The following FRG1 variants were observed in gnomAD, a reference collection of about 807,000 sequenced individuals.
The protein encoded by FRG1 is protein FRG1.
A neutral mutation model predicts 37.0 loss-of-function variants in FRG1; 19 were observed. The observed-to-expected ratio is 0.51, with a 90% CI of 0.36 to 0.75. The LOEUF (loss-of-function observed/expected upper bound fraction) is 0.75. Among genes scored for constraint, FRG1 ranks in the 30% least tolerant of loss-of-function variants. The pLI is 0.00. For missense variants in FRG1, 243 were observed against 301.4 expected, an observed-to-expected ratio of 0.81 and a Z score of 1.44; for synonymous variants, 73 against 96.5, an observed-to-expected ratio of 0.76 and a Z score of 1.43.
chr4:189,959,828 T>G, intron 6 of FRG1: 2 of 965,850 alleles, frequency 2.1e-6, no homozygotes, highest in Non-Finnish European at 2.5e-6. Context: ...ACTCTTTTCC[T>G]TTACCATTTA....
At chr4:189,949,116 G>A (rs1189586328) in intron 2 of FRG1, among the ~76,000 whole-genome samples, 1 of 152,204 alleles carries the variant, frequency 6.6e-6, no homozygotes, top group African/African-American at 2.4e-5. Context: ...TAAATAGCAA[G>A]TAATGTTTTA....
At chr4:189,959,030 G>A (rs1199006532) in intron 6 of FRG1, among the ~76,000 whole-genome samples, 2 of 152,174 alleles carry the variant, frequency 1.3e-5, no homozygotes, top group Non-Finnish European at 2.9e-5. Flanking sequence ...GGGGGCAAGT[G>A]CCTTTTCTAA....
At chr4:189,948,601 G>A (rs1255659986) in intron 2 of FRG1, among the ~76,000 whole-genome samples, 1 of 152,190 alleles carries the variant, frequency 6.6e-6, no homozygotes, top group Non-Finnish European at 1.5e-5. Flanking sequence ...TAGTCAGAAG[G>A]TGAGGTGAGC....
intron 2 of FRG1, among the ~76,000 whole-genome samples, chr4:189,944,749 A>G (rs1427676950): frequency 2.0e-5 from 3 of 152,214 alleles, no homozygotes; most frequent in South Asian, 2.1e-4. Flanking sequence ...ACTCTGTTCT[A>G]TCGATACGTT....
intron 2 of FRG1, among the ~76,000 whole-genome samples, chr4:189,945,158 G>T (rs1357470138): frequency 2.0e-5 from 3 of 152,266 alleles, no homozygotes; most frequent in Non-Finnish European, 4.4e-5. Context: ...ACTTCTAGTG[G>T]TTTGCTTATA....
chr4:189,940,991 G>T lies in FRG1; in HGVS notation c.-19G>T, dbSNP rs767652449. On this transcript the variant is annotated 5_prime_UTR_variant, in exon 1 of 9. Transcript: ENST00000226798. ...CCAGAACCGGCCTCAGCCTCTCCGC[G>T]CAGAAGTTTCCCGGAGCCATGGCCG... is the stretch of plus-strand genomic sequence containing the variant. 1.7e-5 allele frequency: 28 copies of T among 1,610,412 alleles called. No homozygotes were observed. Among genetic ancestry groups the T allele is most frequent in the Non-Finnish European group, 2.3e-5 (27 of 1,177,198 alleles).
At chr4:189,951,079 CT>C (rs1736733004) in intron 2 of FRG1, among the ~76,000 whole-genome samples, 1 of 152,120 alleles carries the variant, frequency 6.6e-6, no homozygotes, top group Admixed American at 6.6e-5. Flanking sequence ...AAGATATAAA[CT>C]TTTATAACAA....
intron 6 of FRG1, among the ~76,000 whole-genome samples, chr4:189,958,648 A>G (rs2126821201): frequency 6.6e-6 from 1 of 152,214 alleles, no homozygotes; most frequent in Middle Eastern, 3.4e-3. Flanking sequence ...CTCTAATCCT[A>G]CTCTTTGTTT....
chr4:189,947,071 G>A (rs1168692806), intron 2 of FRG1, among the ~76,000 whole-genome samples: 2 of 152,214 alleles, frequency 1.3e-5, no homozygotes, highest in Non-Finnish European at 2.9e-5. Flanking sequence ...GACCAAGCTG[G>A]TCTCAAACTC....
chr4:189,943,218 AAAGAT>A lies in FRG1; in HGVS notation c.84_88del (p.Asp28GlufsTer8), dbSNP rs1468463162. The stretch of plus-strand genomic sequence containing the variant: ...GTCCTGTAGTAAGAAGAAAAAGAGC[AAAGAT>A]AAGAAAAGAAAAAGAGAAGAAGATG... On this transcript the variant is annotated frameshift_variant, in exon 2 of 9. Coordinates refer to ENST00000226798, the MANE Select transcript of FRG1 (RefSeq NM_004477.3). LOFTEE classifies it high-confidence loss of function. 6.2e-7 allele frequency: 1 copy of A among 1,600,934 alleles called. No individual in the cohort carries two copies. The highest frequency in any genetic ancestry group is 1.7e-5 in the Admixed American group (1 of 59,308).
chr4:189,956,623 G>A (rs1403099283), intron 5 of FRG1, among the ~76,000 whole-genome samples: 5 of 152,174 alleles, frequency 3.3e-5, no homozygotes, highest in African/African-American at 1.2e-4. Flanking sequence ...CCTTGACTAA[G>A]AAATTAAATC....
At chr4:189,955,538 A>G (rs1373759107) in intron 5 of FRG1, among the ~76,000 whole-genome samples, 1 of 152,206 alleles carries the variant, frequency 6.6e-6, no homozygotes, top group Non-Finnish European at 1.5e-5. Context: ...CCAAGTTGTG[A>G]CAATTTGTGC....
chr4:189,960,734 T>C lies in FRG1; in HGVS notation c.538-14T>C, dbSNP rs773143726. 1.3e-4 allele frequency: 211 copies of C among 1,576,190 alleles called. 6 individuals are homozygous for C. In the South Asian group the frequency reaches 2.4e-3, roughly 18 times the overall value. ...AAACATATAACCCATTGGATTCTCT[T>C]TTCCAATATCTAGATTAGATCCTGT... On this transcript the variant is annotated splice_polypyrimidine_tract_variant and intron_variant, in intron 6 of 8. Transcript: ENST00000226798.
At chr4:189,950,135 T>C (rs1736692637) in intron 2 of FRG1, among the ~76,000 whole-genome samples, 1 of 152,214 alleles carries the variant, frequency 6.6e-6, no homozygotes, top group African/African-American at 2.4e-5. Flanking sequence ...TAGTGACTAG[T>C]GATGTTGAGC....
chr4:189,954,060 C>T (rs1420182280), intron 4 of FRG1, among the ~76,000 whole-genome samples: 2 of 151,638 alleles, frequency 1.3e-5, no homozygotes, highest in East Asian at 3.9e-4. Context: ...GAAAAATGGA[C>T]AAGGGACATT....
chr4:189,940,985 C>G lies in FRG1; in HGVS notation c.-25C>G, dbSNP rs766671606. The stretch of plus-strand genomic sequence containing the variant: ...ACTCGTCCAGAACCGGCCTCAGCCT[C>G]TCCGCGCAGAAGTTTCCCGGAGCCA... On this transcript the variant is annotated 5_prime_UTR_variant, in exon 1 of 9. Coordinates refer to ENST00000226798, the MANE Select transcript of FRG1 (RefSeq NM_004477.3). 1 of 1,607,594 alleles carries G rather than the reference C, an allele frequency of 6.2e-7. No individual in the cohort carries two copies. The highest frequency in any genetic ancestry group is 1.3e-5 in the African/African-American group (1 of 74,338).
chr4:189,946,710 A>G (rs1736544482), intron 2 of FRG1, among the ~76,000 whole-genome samples: 1 of 152,208 alleles, frequency 6.6e-6, no homozygotes, highest in African/African-American at 2.4e-5. Flanking sequence ...AATTTCTACT[A>G]CATAGAGATA....
chr4:189,954,783 A>G (rs1579636029), intron 4 of FRG1, among the ~76,000 whole-genome samples: 1 of 151,900 alleles, frequency 6.6e-6, no homozygotes, highest in South Asian at 2.1e-4. Context: ...TTTTGTAGAG[A>G]TGGGGTCTCA....
chr4:189,960,274 TAA>T (rs1737172394), intron 6 of FRG1, among the ~76,000 whole-genome samples: 1 of 152,168 alleles, frequency 6.6e-6, no homozygotes, highest in African/African-American at 2.4e-5. Flanking sequence ...AAGAAGCTAG[TAA>T]AAGAGGTGGG....
Sources: allele counts gnomAD v4.1 joint callset (sites outside exome capture counted in the v4.1 genomes callset), GRCh38; gene constraint gnomAD v4.1.1; transcripts MANE v1.5; gene names NCBI Gene and HGNC (gene_info 2026-07-23, HGNC 2026-07-21).